Variants in PAWR observed in about 807,000 individuals in gnomAD.
PAWR encodes the protein pro-apoptotic WT1 regulator, also known as PRKC apoptosis WT1 regulator protein.
Under a neutral mutation model 32.0 loss-of-function variants are expected in PAWR, and 23 were observed. The ratio of observed to expected loss-of-function variants is 0.72; its 90% CI spans 0.52 to 1.02. The LOEUF (loss-of-function observed/expected upper bound fraction) is 1.02. PAWR is among the 50% of genes least tolerant of loss of function. The probability of loss-of-function intolerance (pLI) is 0.00; values close to 1 mark genes in which losing one functional copy is unlikely to be tolerated. For missense variants in PAWR, 457 were observed against 437.7 expected (o/e 1.04, Z -0.39); for synonymous variants, 226 against 187.1 (o/e 1.21, Z -1.70).
intron 2 of PAWR, among the ~76,000 whole-genome samples, chr12:79,654,486 T>G (rs966972600): frequency 6.6e-6 from 1 of 151,710 alleles, no homozygotes; most frequent in Non-Finnish European, 1.5e-5. Context: ...CAACCAAAGC[T>G]CTGGGAGAGC....
chr12:79,602,453 G>A (rs1874000558), intron 4 of PAWR, among the ~76,000 whole-genome samples: 1 of 152,114 alleles, frequency 6.6e-6, no homozygotes, highest in Non-Finnish European at 1.5e-5. Context: ...GGCCAGTGTG[G>A]AGGCTATTGT....
intron 2 of PAWR, among the ~76,000 whole-genome samples, chr12:79,624,288 C>A (rs541242513): frequency 3.7e-4 from 56 of 152,166 alleles, no homozygotes; most frequent in African/African-American, 1.3e-3. Context: ...CTCCTCCTGC[C>A]CCCTCAACTA....
Position 79,690,364 on chromosome 12 carries a change from G to A in PAWR, c.-120C>T, listed in dbSNP as rs1381411792. ...GGAGACGACCTCCAGGAGAGGGACG[G>A]CCGCCGCTCCCACAGCAGCCGGCGG... On this transcript the variant is annotated 5_prime_UTR_variant, in exon 2 of 7. Transcript: ENST00000328827. The A allele has an allele frequency of 1.5e-6, 2 of 1,349,192 alleles. No individual in the cohort carries two copies. The highest frequency in any genetic ancestry group is 1.9e-6 in the Non-Finnish European group (2 of 1,055,166). 83.6% of individuals were successfully genotyped at this position (1,349,192 alleles called of 1,614,324 possible). A position where few individuals can be genotyped will look rare whatever the true frequency, so the allele number is the denominator to read the frequency against.
At chr12:79,651,860 T>C (rs1368920959) in intron 2 of PAWR, among the ~76,000 whole-genome samples, 1 of 152,206 alleles carries the variant, frequency 6.6e-6, no homozygotes, top group Non-Finnish European at 1.5e-5. Context: ...CAAGCCAGTA[T>C]CTACCAAGCT....
chr12:79,638,131 T>C (rs939685918), intron 2 of PAWR, among the ~76,000 whole-genome samples: 5 of 150,122 alleles, frequency 3.3e-5, no homozygotes, highest in African/African-American at 1.3e-4. Context: ...GTACAGCTTT[T>C]GGGTTTCAAA....
At chr12:79,612,400 T>G (rs939213678) in intron 4 of PAWR, among the ~76,000 whole-genome samples, 1 of 152,148 alleles carries the variant, frequency 6.6e-6, no homozygotes, top group African/African-American at 2.4e-5. Flanking sequence ...AATGAATGTT[T>G]TATTTTAGAT....
At chr12:79,682,484 T>C (rs778976212) in intron 2 of PAWR, among the ~76,000 whole-genome samples, 8 of 152,196 alleles carry the variant, frequency 5.3e-5, no homozygotes, top group Non-Finnish European at 1.0e-4. Flanking sequence ...TAAATGAGAC[T>C]ATCATTGAAA....
intron 2 of PAWR, among the ~76,000 whole-genome samples, chr12:79,645,036 C>CCACACACACACACACACACACACA: frequency 8.3e-6 from 1 of 120,002 alleles, no homozygotes; most frequent in Middle Eastern, 4.3e-3. Context: ...TCCACCCCCA[C>CCACACACACACACACACACACACA]CACACACACA....
At position 79,586,337 on chromosome 12, in the gene PAWR, T is replaced by C. The variant is rs1258139564; in HGVS notation, c.*6270A>G. 2.0e-5 allele frequency: 3 copies of C among 152,662 alleles called. No homozygotes were observed. The highest frequency in any genetic ancestry group is 2.1e-4 in the South Asian group (1 of 4,826). The allele number at this position is 152,662 out of a possible 1,614,324, so 9.5% of individuals were successfully genotyped here. Reference sequence around the variant, plus strand: ...GTGGATTTCTTAGGCCTTTGACTGATAGCTTTAGGCTTTTGCACTACACAA... The same window carrying C: ...GTGGATTTCTTAGGCCTTTGACTGACAGCTTTAGGCTTTTGCACTACACAA... On this transcript the variant is annotated 3_prime_UTR_variant, in exon 7 of 7. Coordinates refer to ENST00000328827, the MANE Select transcript of PAWR (RefSeq NM_002583.4).
chr12:79,688,770 A>C (rs1383973891), intron 2 of PAWR, among the ~76,000 whole-genome samples: 2 of 152,226 alleles, frequency 1.3e-5, no homozygotes, highest in African/African-American at 4.8e-5. Flanking sequence ...AGCCAGGAGA[A>C]GAAAAAGTGA....
Position 79,587,924 on chromosome 12 carries a change from C to T in PAWR, c.*4683G>A, listed in dbSNP as rs183070376. On this transcript the variant is annotated 3_prime_UTR_variant, in exon 7 of 7. Transcript: ENST00000328827. ...ATGATCAAAGCTGTCTAACACAATA[C>T]TAATGTGTTCAATAAATTATCCAGA... 1.3e-5 allele frequency: 2 copies of T among 151,904 alleles called. No homozygotes were observed. Among genetic ancestry groups the T allele is most frequent in the African/African-American group, 4.8e-5 (2 of 41,440 alleles). 9.4% of individuals were successfully genotyped at this position (151,904 alleles called of 1,614,324 possible).
chr12:79,650,070 T>C (rs1320632946), intron 2 of PAWR, among the ~76,000 whole-genome samples: 1 of 152,180 alleles, frequency 6.6e-6, no homozygotes, highest in Non-Finnish European at 1.5e-5. Flanking sequence ...GCCGTAATGT[T>C]TGCCAGCCAC....
chr12:79,655,953 G>A (rs540576183), intron 2 of PAWR, among the ~76,000 whole-genome samples: 4 of 152,298 alleles, frequency 2.6e-5, no homozygotes, highest in East Asian at 1.9e-4. Context: ...ACCCAGATCC[G>A]GGATCAAGAA....
rs576720678 is a variant in PAWR at position 79,601,480 on chromosome 12, G to T, written c.684-4822C>A. 1.5e-3 allele frequency among the ~76,000 whole-genome samples: 233 copies of T among 152,196 alleles called. 1 individual carries two copies. Among genetic ancestry groups the T allele is most frequent in the Middle Eastern group, 6.8e-3 (2 of 294 alleles). ...TCAGCCACCCAAAGTGCTTGGAGTA[G>T]AAGTCTGAGCTACCACGCCTGGCCC... On this transcript the variant is annotated intron_variant, in intron 4 of 6. Transcript: ENST00000328827.
At chr12:79,628,541 A>T (rs548696239) in intron 2 of PAWR, among the ~76,000 whole-genome samples, 1 of 152,326 alleles carries the variant, frequency 6.6e-6, no homozygotes, top group East Asian at 1.9e-4. Context: ...AAATCTGTCA[A>T]ATAAAGGTTC....
chr12:79,625,293 T>C (rs896741619), intron 2 of PAWR, among the ~76,000 whole-genome samples: 1 of 151,944 alleles, frequency 6.6e-6, no homozygotes, highest in African/African-American at 2.4e-5. Flanking sequence ...AACACATGCA[T>C]AATTGGGGTC....
At chr12:79,605,619 C>A (rs935526495) in intron 4 of PAWR, among the ~76,000 whole-genome samples, 18 of 151,660 alleles carry the variant, frequency 1.2e-4, no homozygotes, top group East Asian at 1.9e-4. Context: ...ATGTTCACAG[C>A]GTATTGCCTA....
intron 3 of PAWR, among the ~76,000 whole-genome samples, chr12:79,618,214 C>T (rs1245133839): frequency 1.3e-5 from 2 of 152,136 alleles, no homozygotes; most frequent in Non-Finnish European, 2.9e-5. Flanking sequence ...CTGCAACATC[C>T]GCCTCCAAGG....
At chr12:79,666,815 T>C (rs1272899457) in intron 2 of PAWR, among the ~76,000 whole-genome samples, 2 of 152,196 alleles carry the variant, frequency 1.3e-5, no homozygotes, top group Non-Finnish European at 1.5e-5. Flanking sequence ...TGCTCATACA[T>C]ACAGTGATAT....
Sources: gnomAD v4.1 joint callset for allele counts (sites outside exome capture counted in the v4.1 genomes callset) on GRCh38, gnomAD v4.1.1 for gene constraint, MANE v1.5 for transcripts, NCBI Gene and HGNC (gene_info 2026-07-23, HGNC 2026-07-21) for gene names.